Variants in PPIG observed in about 807,000 individuals in gnomAD.
The protein encoded by PPIG is peptidylprolyl isomerase G, also known as peptidyl-prolyl cis-trans isomerase G.
A neutral mutation model predicts 87.9 loss-of-function variants in PPIG; 26 were observed. The ratio of observed to expected loss-of-function variants is 0.30; its 90% CI spans 0.22 to 0.41. The LOEUF (loss-of-function observed/expected upper bound fraction) is 0.41, where lower values mean the gene tolerates loss of function less well. Ranked by LOEUF, PPIG falls within the 10% of genes least tolerant of loss-of-function variation. The pLI is 1.00. For missense variants in PPIG, 722 were observed against 879.4 expected (o/e 0.82, Z 2.26); for synonymous variants, 308 against 276.5 (o/e 1.11, Z -1.13).
rs1027287905 is a variant in PPIG, at chr2:169,596,090, C to T, written c.-69-7552C>T. Among the ~76,000 whole-genome samples, 3 of 148,688 alleles carry T rather than the reference C, an allele frequency of 2.0e-5. No homozygotes were observed. In the Admixed American group the frequency reaches 2.0e-4, roughly 10 times the overall value. Reference sequence around the variant, plus strand: ...AAGTGCTGGGATTACAGGCCTGAGCCACTGCGCCCGGCCTTTTTGTTTGTT... The same window carrying T: ...AAGTGCTGGGATTACAGGCCTGAGCTACTGCGCCCGGCCTTTTTGTTTGTT... On this transcript the variant is annotated intron_variant, in intron 1 of 13. Transcript: ENST00000260970.
Position 169,636,482 on chromosome 2 carries a change from T to C in PPIG, c.1224T>C (p.Asp408=). Reference sequence around the variant, plus strand: ...GAGTAAAAGAGAGAAAAATAACAGATCACAGGAATGTATCTGAGAGTCCAA... The same window carrying C: ...GAGTAAAAGAGAGAAAAATAACAGACCACAGGAATGTATCTGAGAGTCCAA... ...PVRVKERKIT[D]HRNVSESPNR... The change falls in exon 14 of 14, where the codon GAT becomes GAC. Residue 408 remains aspartate, a synonymous_variant. Transcript: ENST00000260970. The C allele has an allele frequency of 6.3e-7, 1 of 1,593,608 alleles. No individual in the cohort carries two copies. Among genetic ancestry groups the C allele is most frequent in the Non-Finnish European group, 8.5e-7 (1 of 1,173,484 alleles).
intron 1 of PPIG, among the ~76,000 whole-genome samples, chr2:169,586,227 C>T (rs912236569): frequency 6.6e-6 from 1 of 152,078 alleles, no homozygotes; most frequent in Non-Finnish European, 1.5e-5. Flanking sequence ...TAGGATTCTG[C>T]GCATTTGAAT....
chr2:169,604,155 A>G (rs778526279), intron 3 of PPIG, 32 bp from the exon 4 acceptor site: 6 of 1,609,242 alleles, frequency 3.7e-6, no homozygotes, highest in Non-Finnish European at 5.1e-6. Context: ...TTAAATTAGT[A>G]AAGAAGTTTA....
intron 1 of PPIG, among the ~76,000 whole-genome samples, chr2:169,597,950 C>G (rs566896736): frequency 1.5e-4 from 23 of 151,386 alleles, no homozygotes; most frequent in African/African-American, 5.3e-4. Context: ...ATCCTTCTGC[C>G]TCAGCCTTCC....
chr2:169,627,841 T>A (rs1419823939), intron 9 of PPIG, among the ~76,000 whole-genome samples: 3 of 152,086 alleles, frequency 2.0e-5, no homozygotes, highest in Non-Finnish European at 4.4e-5. Context: ...AAAGCTTTTT[T>A]AATTGTGGGG....
At chr2:169,633,763 C>A (rs531744674) in intron 12 of PPIG, among the ~76,000 whole-genome samples, 1 of 152,046 alleles carries the variant, frequency 6.6e-6, no homozygotes, top group African/African-American at 2.4e-5. Context: ...CTCCATGTCA[C>A]AAATTCCAGT....
At chr2:169,616,240 G>T (rs1013095547) in intron 9 of PPIG, among the ~76,000 whole-genome samples, 5 of 152,048 alleles carry the variant, frequency 3.3e-5, no homozygotes, top group African/African-American at 9.7e-5. Flanking sequence ...TCTTTATCCT[G>T]TCTATCATTG....
At chr2:169,600,381 G>A (rs1023125302) in intron 1 of PPIG, among the ~76,000 whole-genome samples, 3 of 152,106 alleles carry the variant, frequency 2.0e-5, no homozygotes, top group Non-Finnish European at 4.4e-5. Flanking sequence ...AGCCTCCTAA[G>A]CTCTTTACAT....
At chr2:169,630,620 A>G (rs1686019316) in intron 9 of PPIG, among the ~76,000 whole-genome samples, 154 bp from the exon 10 acceptor site, 1 of 152,148 alleles carries the variant, frequency 6.6e-6, no homozygotes, top group Non-Finnish European at 1.5e-5. Flanking sequence ...TCTAATCCTG[A>G]GTCTTGACTC....
At chr2:169,632,293 C>G (rs926599430) in intron 11 of PPIG, among the ~76,000 whole-genome samples, 17 of 152,152 alleles carry the variant, frequency 1.1e-4, no homozygotes, top group African/African-American at 3.9e-4. Flanking sequence ...CTTGGTTTTT[C>G]AGTTTGTCTA....
intron 1 of PPIG, among the ~76,000 whole-genome samples, chr2:169,589,270 A>G (rs1420247308): frequency 3.3e-5 from 5 of 152,204 alleles, no homozygotes; most frequent in African/African-American, 1.2e-4. Flanking sequence ...TCCATCAGAA[A>G]CATCAGTGGA....
chr2:169,606,831 C>G (rs1422562599), intron 5 of PPIG, among the ~76,000 whole-genome samples: 1 of 151,990 alleles, frequency 6.6e-6, no homozygotes, highest in Admixed American at 6.6e-5. Flanking sequence ...TAACCTGTTG[C>G]AAGACCTGCA....
At chr2:169,588,028 G>A (rs576618943) in intron 1 of PPIG, among the ~76,000 whole-genome samples, 2 of 152,162 alleles carry the variant, frequency 1.3e-5, no homozygotes, top group South Asian at 4.2e-4. Flanking sequence ...GCTGGGCATT[G>A]GTGGTGCATG....
Position 169,636,721 on chromosome 2 carries a change from G to A in PPIG, c.1463G>A (p.Arg488Lys). The change falls in exon 14 of 14, where the codon AGG (arginine) becomes AAG (lysine). Residue 488 changes from arginine (R) to lysine (K), a missense_variant. Transcript: ENST00000260970. ...NRNEEKRMRS[R>K]SKGRDHENVK... ...AATGAAGAAAAGAGGATGAGGTCAA[G>A]GAGTAAAGGAAGGGATCATGAAAAT... The A allele has an allele frequency of 6.2e-7, 1 of 1,611,722 alleles. No individual in the cohort carries two copies. Among genetic ancestry groups the A allele is most frequent in the Non-Finnish European group, 8.5e-7 (1 of 1,179,500 alleles).
intron 1 of PPIG, among the ~76,000 whole-genome samples, chr2:169,602,415 A>C (rs1685210331): frequency 6.6e-6 from 1 of 152,270 alleles, no homozygotes; most frequent in South Asian, 2.1e-4. Flanking sequence ...TCCCGGGCTC[A>C]AGCAATTCTC....
At chr2:169,626,082 G>A (rs1235361023) in intron 9 of PPIG, among the ~76,000 whole-genome samples, 2 of 152,148 alleles carry the variant, frequency 1.3e-5, no homozygotes, top group Non-Finnish European at 2.9e-5. Context: ...CTGACATTAT[G>A]TTGACTATGT....
In PPIG at chr2:169,591,953, G is replaced by A. The variant is rs1450772429; in HGVS notation, c.-70+7463G>A. ...TTTTTTTTTTTTTTTTTTGAACAGAGTCTCACTCTGTTGGCCAGGCTGGAG... is the reference window on the plus strand; with the variant it reads ...TTTTTTTTTTTTTTTTTTGAACAGAATCTCACTCTGTTGGCCAGGCTGGAG... On this transcript the variant is annotated intron_variant, in intron 1 of 13. Transcript: ENST00000260970. Among the ~76,000 whole-genome samples, 6 of 105,286 alleles carry A rather than the reference G, an allele frequency of 5.7e-5. No individual in the cohort carries two copies. The East Asian group carries it at 1.6e-3, about 28-fold the overall frequency. The allele number at this position is 105,286 out of a possible 152,430, so 69.1% of individuals were successfully genotyped here.
intron 4 of PPIG, 84 bp downstream of exon 4, chr2:169,604,345 T>A (rs1685263172): frequency 4.2e-6 from 5 of 1,189,480 alleles, no homozygotes; most frequent in Admixed American, 2.3e-5. Context: ...TTTTTTTTTT[T>A]TTTTTTTTTT....
chr2:169,629,163 AG>A (rs767369602), intron 9 of PPIG, among the ~76,000 whole-genome samples: 9 of 152,206 alleles, frequency 5.9e-5, no homozygotes, highest in Non-Finnish European at 4.4e-5. Context: ...TTTATACACA[AG>A]TGAATAAAAT....
Sources: gnomAD v4.1 joint callset for allele counts (sites outside exome capture counted in the v4.1 genomes callset) on GRCh38, gnomAD v4.1.1 for gene constraint, MANE v1.5 for transcripts, NCBI Gene and HGNC (gene_info 2026-07-23, HGNC 2026-07-21) for gene names.